Variants in ERCC6 observed in about 807,000 individuals in gnomAD.
ERCC6 encodes the protein DNA excision repair protein ERCC-6.
ERCC6 carries 116 observed loss-of-function variants against 158.7 expected under a neutral mutation model. That is an observed-to-expected ratio of 0.73 (90% CI 0.63 to 0.85). The LOEUF (loss-of-function observed/expected upper bound fraction) is 0.85. Ranked by LOEUF, ERCC6 falls within the 40% of genes least tolerant of loss-of-function variation. The pLI, the probability that ERCC6 is intolerant of heterozygous loss-of-function variation, is 0.00. For synonymous variants in ERCC6, 678 were observed against 659.3 expected (o/e 1.03, Z -0.43); for missense variants, 1,698 against 1,799.4 (o/e 0.94, Z 1.02).
At chr10:49,531,194 G>T (rs1210396751) in intron 2 of ERCC6, among the ~76,000 whole-genome samples, 1 of 152,096 alleles carries the variant, frequency 6.6e-6, no homozygotes. Context: ...GCATACATGG[G>T]TTTTTTAAGC....
At chr10:49,442,550 G>A in the ERCC6 span, among the ~76,000 whole-genome samples, 1 of 152,194 alleles carries the variant, frequency 6.6e-6, no homozygotes, top group Non-Finnish European at 1.5e-5. Context: ...GATTTTTCCT[G>A]TCTTAAATTC....
At chr10:49,460,737 A>G (rs1850566699) in intron 19 of ERCC6, among the ~76,000 whole-genome samples, 1 of 152,130 alleles carries the variant, frequency 6.6e-6, no homozygotes, top group African/African-American at 2.4e-5. Flanking sequence ...CCTGGCCAAC[A>G]TGGTGAAATC....
intron 2 of ERCC6, among the ~76,000 whole-genome samples, chr10:49,531,432 C>A (rs1837467153): frequency 6.6e-6 from 1 of 152,156 alleles, no homozygotes; most frequent in Admixed American, 6.5e-5. Context: ...CAAATTCAAT[C>A]TTCTTGATGA....
At chr10:49,473,919 A>G (rs1484804735) in intron 13 of ERCC6, 108 bp downstream of exon 13, 1 of 994,606 alleles carries the variant, frequency 1.0e-6, no homozygotes, top group East Asian at 2.4e-5. Flanking sequence ...CCTCAGCATC[A>G]GTGGTAGACT....
chr10:49,501,453 T>C (rs1564430487), intron 6 of ERCC6: 1 of 152,182 alleles, frequency 6.6e-6, no homozygotes, highest in South Asian at 2.1e-4. Context: ...AGAGAAATAA[T>C]TTAACCTTAA....
chr10:49,490,900 AG>A (rs1851163780), intron 8 of ERCC6, among the ~76,000 whole-genome samples: 1 of 152,212 alleles, frequency 6.6e-6, no homozygotes, highest in Non-Finnish European at 1.5e-5. Context: ...AAGAAATCAC[AG>A]CTGATAAGGA....
intron 18 of ERCC6, among the ~76,000 whole-genome samples, chr10:49,464,312 T>C (rs1411018253): frequency 6.6e-6 from 1 of 152,210 alleles, no homozygotes; most frequent in Non-Finnish European, 1.5e-5. Flanking sequence ...ATTTAGGGTA[T>C]CTGGCGGAAG....
chr10:49,451,350 C>T (rs1130028), downstream of ERCC6, among the ~76,000 whole-genome samples: 1 of 151,888 alleles, frequency 6.6e-6, no homozygotes, highest in African/African-American at 2.4e-5. Context: ...GCATCCTTGT[C>T]TTATTTCTAA....
chr10:49,478,567 A>G (rs958559593), intron 10 of ERCC6, 97 bp from the exon 11 acceptor site: 56 of 792,954 alleles, frequency 7.1e-5, no homozygotes, highest in Non-Finnish European at 1.1e-4. Context: ...AAAAAAAAAA[A>G]GAATAACCAA....
At chr10:49,478,280 A>T (rs1158101284) in intron 11 of ERCC6, 74 bp downstream of exon 11, 19 of 1,037,908 alleles carry the variant, frequency 1.8e-5, no homozygotes, top group Non-Finnish European at 2.6e-5. Context: ...TCTCATCCGC[A>T]GAGGAGAATC....
intron 2 of ERCC6, among the ~76,000 whole-genome samples, chr10:49,531,664 C>T (rs934530381): frequency 2.0e-5 from 3 of 152,134 alleles, no homozygotes; most frequent in Non-Finnish European, 2.9e-5. Flanking sequence ...TAACCATGAA[C>T]GAGCACCTGC....
rs1851446805 is a variant in ERCC6 at position 49,506,539 on chromosome 10, TGGG to T, written c.1398-530_1398-528del. On this transcript the variant is annotated intron_variant, in intron 5 of 20. Coordinates refer to ENST00000355832, the MANE Select transcript of ERCC6 (RefSeq NM_000124.4). Reference sequence around the variant, plus strand: ...AGGTTCACATTACTGATTACTTAACTGGGGGAAGAGGCATCAGCAATATACAAG... The same window carrying T: ...AGGTTCACATTACTGATTACTTAACTGGAAGAGGCATCAGCAATATACAAG... 1.3e-5 allele frequency: 2 copies of T among 157,614 alleles called. 1 individual carries two copies. Among genetic ancestry groups the T allele is most frequent in the South Asian group, 3.8e-4 (2 of 5,318 alleles). 9.8% of individuals were successfully genotyped at this position (157,614 alleles called of 1,614,324 possible).
chr10:49,474,278 C>T (rs772112460), intron 12 of ERCC6, 36 bp from the exon 13 acceptor site: 2 of 1,537,948 alleles, frequency 1.3e-6, no homozygotes, highest in Non-Finnish European at 1.8e-6. Flanking sequence ...ACTCAGATGA[C>T]CCCATGTAAA....
At chr10:49,538,559 C>T (rs746231544) in intron 1 of ERCC6, among the ~76,000 whole-genome samples, 1 of 152,174 alleles carries the variant, frequency 6.6e-6, no homozygotes, top group Non-Finnish European at 1.5e-5. Flanking sequence ...GCCTCATCCG[C>T]CCACACTCTT....
intron 3 of ERCC6, among the ~76,000 whole-genome samples, chr10:49,529,069 T>C (rs1296575381): frequency 2.0e-5 from 3 of 152,148 alleles, no homozygotes; most frequent in African/African-American, 4.8e-5. Context: ...TTGCCATGCC[T>C]CTCCACCCTG....
At chr10:49,513,887 A>T (rs987960905) in intron 5 of ERCC6, among the ~76,000 whole-genome samples, 5 of 152,060 alleles carry the variant, frequency 3.3e-5, no homozygotes, top group African/African-American at 1.2e-4. Flanking sequence ...GCAGACAGGG[A>T]GAAAGAAAGG....
rs4253066 is a variant in ERCC6 at position 49,518,907 on chromosome 10, G to GTAAA, written c.1397+5122_1397+5125dup. Among the ~76,000 whole-genome samples the GTAAA allele has an allele frequency of 1.2e-3, 187 of 152,288 alleles. 4 individuals are homozygous for GTAAA. The South Asian group carries it at 0.037, about 30-fold the overall frequency. On this transcript the variant is annotated intron_variant, in intron 5 of 20. Coordinates refer to ENST00000355832, the MANE Select transcript of ERCC6 (RefSeq NM_000124.4). ...CCCTTTACATCTCAGAGTTACTCAT[G>GTAAA]TAAAAAAGGTAAAAAATAGGGCACA...
Position 49,482,756 on chromosome 10 carries a change from C to A in ERCC6, c.2100G>T (p.Leu700Phe), listed in dbSNP as rs1445730075. Residue 700 changes from leucine to phenylalanine, a missense_variant, in exon 10 of 21, where the codon TTG (leucine) becomes TTT (phenylalanine). By Grantham distance (22) the Leu-to-Phe change is conservative. Transcript: ENST00000355832. ...CGGAGAACTGCTCCATAAACACAGG[C>A]AACGTGCCTAACTTTCCCGGGAAGA... is the stretch of plus-strand genomic sequence containing the variant. ...DFIFPGKLGT[L>F]PVFMEQFSVP... 1 of 1,613,902 alleles carries A rather than the reference C, an allele frequency of 6.2e-7. No individual in the cohort carries two copies. Among genetic ancestry groups the A allele is most frequent in the Admixed American group, 1.7e-5 (1 of 59,982 alleles).
chr10:49,445,472 C>T, the ERCC6 span, among the ~76,000 whole-genome samples: 3 of 152,116 alleles, frequency 2.0e-5, no homozygotes, highest in African/African-American at 7.2e-5. Context: ...TAAAGATAAT[C>T]CAGCAGTAAT....
Sources: gnomAD v4.1 joint callset for allele counts (sites outside exome capture counted in the v4.1 genomes callset) on GRCh38, gnomAD v4.1.1 for gene constraint, MANE v1.5 for transcripts, NCBI Gene and HGNC (gene_info 2026-07-23, HGNC 2026-07-21) for gene names.